Variants in ARHGAP24 observed in about 807,000 individuals in gnomAD.
ARHGAP24 encodes rho GTPase-activating protein 24.
ARHGAP24 carries 50 observed loss-of-function variants against 76.4 expected under a neutral mutation model. The observed-to-expected ratio is 0.65, with a 90% CI of 0.52 to 0.83. ARHGAP24 has a LOEUF of 0.83. Among genes scored for constraint, ARHGAP24 ranks in the 40% least tolerant of loss-of-function variants. ARHGAP24 has a pLI of 0.00. For synonymous variants in ARHGAP24, 345 were observed against 323.3 expected (o/e 1.07, Z -0.72); for missense variants, 930 against 914.2 (o/e 1.02, Z -0.22).
chr4:85,526,566 C>T (rs1489485640), intron 1 of ARHGAP24, among the ~76,000 whole-genome samples: 1 of 151,988 alleles, frequency 6.6e-6, no homozygotes, highest in Non-Finnish European at 1.5e-5. Context: ...TATGGGACTT[C>T]TGCCTCTATT....
intron 2 of ARHGAP24, among the ~76,000 whole-genome samples, chr4:85,618,696 T>C (rs932404404): frequency 6.6e-6 from 1 of 152,116 alleles, no homozygotes; most frequent in Non-Finnish European, 1.5e-5. Flanking sequence ...TGATATCTCA[T>C]TGTAGTTTTG....
intron 3 of ARHGAP24, among the ~76,000 whole-genome samples, chr4:85,797,975 G>A (rs1275907054): frequency 6.6e-6 from 1 of 152,020 alleles, no homozygotes; most frequent in East Asian, 1.9e-4. Context: ...ATATCCTGTT[G>A]GGCTTTATTT....
At chr4:85,906,602 T>A (rs1225871018) in intron 3 of ARHGAP24, among the ~76,000 whole-genome samples, 1 of 152,144 alleles carries the variant, frequency 6.6e-6, no homozygotes, top group Non-Finnish European at 1.5e-5. Context: ...TAACATAAAC[T>A]AAGAGCAAAA....
At chr4:85,639,917 G>A (rs752581994) in intron 2 of ARHGAP24, among the ~76,000 whole-genome samples, 8 of 152,060 alleles carry the variant, frequency 5.3e-5, no homozygotes, top group Non-Finnish European at 7.4e-5. Flanking sequence ...ATTCCTGTGC[G>A]TTATAAATAA....
At chr4:85,714,306 A>G (rs746054892) in intron 2 of ARHGAP24, among the ~76,000 whole-genome samples, 3 of 152,166 alleles carry the variant, frequency 2.0e-5, no homozygotes, top group African/African-American at 2.4e-5. Flanking sequence ...AAAATACTAC[A>G]TATCTTTTTC....
At chr4:85,896,186 T>C (rs1734169713) in intron 3 of ARHGAP24, among the ~76,000 whole-genome samples, 1 of 152,248 alleles carries the variant, frequency 6.6e-6, no homozygotes, top group Non-Finnish European at 1.5e-5. Flanking sequence ...AGGATGCAGT[T>C]GCAACAGAAG....
At position 85,788,823 on chromosome 4, in the gene ARHGAP24, A is replaced by G. The variant is rs116505732; in HGVS notation, c.268+66851A>G. On this transcript the variant is annotated intron_variant, in intron 3 of 9. Transcript: ENST00000395184. ...ATCTTTTCCCAAGTTCTTAAAGTAC[A>G]GCTAAGATTCCCAGAAAGTAACACC... Among the ~76,000 whole-genome samples the G allele has an allele frequency of 1.2e-3, 189 of 152,326 alleles. 3 individuals carry two copies. The highest frequency in any genetic ancestry group is 6.8e-3 in the Middle Eastern group (2 of 294).
chr4:85,665,292 C>G (rs1722567809), intron 2 of ARHGAP24, among the ~76,000 whole-genome samples: 1 of 151,940 alleles, frequency 6.6e-6, no homozygotes, highest in African/African-American at 2.4e-5. Context: ...CTCTTTTGAT[C>G]TTTGTTGGTT....
intron 3 of ARHGAP24, among the ~76,000 whole-genome samples, chr4:85,874,831 A>ATATTTTTATATAATTTATATAT (rs1732747100): frequency 3.0e-4 from 2 of 6,708 alleles, no homozygotes; most frequent in African/African-American, 9.4e-4. Flanking sequence ...ATTTATATAT[A>ATATTTTTATATAATTTATATAT]AAATATATTT....
intron 1 of ARHGAP24, among the ~76,000 whole-genome samples, chr4:85,477,011 T>G (rs1010892021): frequency 1.3e-5 from 2 of 152,152 alleles, no homozygotes; most frequent in Admixed American, 1.3e-4. Flanking sequence ...ACTTCACCTT[T>G]GACATCTTGG....
Position 85,733,592 on chromosome 4 carries a change from G to C in ARHGAP24, c.268+11620G>C, listed in dbSNP as rs141558312. The stretch of plus-strand genomic sequence containing the variant: ...CTTCCATAACAAGTACTACAAACTG[G>C]GTGACATAAGCAACAGAAATGTATT... On this transcript the variant is annotated intron_variant, in intron 3 of 9. Transcript: ENST00000395184. 2.5e-3 allele frequency among the ~76,000 whole-genome samples: 377 copies of C among 152,144 alleles called. 2 individuals carry two copies. The highest frequency in any genetic ancestry group is 8.7e-3 in the African/African-American group (361 of 41,514).
At chr4:85,508,161 A>G (rs1004074151) in intron 1 of ARHGAP24, among the ~76,000 whole-genome samples, 3 of 152,110 alleles carry the variant, frequency 2.0e-5, no homozygotes, top group African/African-American at 4.8e-5. Flanking sequence ...ACATATCTCA[A>G]TTGAAATATA....
At chr4:85,777,915 T>G (rs1727369224) in intron 3 of ARHGAP24, among the ~76,000 whole-genome samples, 1 of 152,182 alleles carries the variant, frequency 6.6e-6, no homozygotes, top group Non-Finnish European at 1.5e-5. Context: ...ATGAAAATTG[T>G]TATGTTGCTT....
intron 3 of ARHGAP24, among the ~76,000 whole-genome samples, chr4:85,727,133 T>C (rs937939672): frequency 6.6e-6 from 1 of 151,956 alleles, no homozygotes; most frequent in African/African-American, 2.4e-5. Context: ...GGCAGGAGAA[T>C]CCCTTGAACC....
chr4:85,651,825 A>C (rs28361935), intron 2 of ARHGAP24, among the ~76,000 whole-genome samples: 1 of 151,248 alleles, frequency 6.6e-6, no homozygotes. Context: ...TGTCATTAAG[A>C]TTAATGAAAA....
intron 3 of ARHGAP24, among the ~76,000 whole-genome samples, chr4:85,919,135 C>T (rs1735579881): frequency 6.6e-6 from 1 of 152,140 alleles, no homozygotes; most frequent in Admixed American, 6.6e-5. Flanking sequence ...CTCAACATTG[C>T]TTTTAAAAAT....
At chr4:85,593,235 T>G (rs182137430) in intron 2 of ARHGAP24, among the ~76,000 whole-genome samples, 25 of 152,174 alleles carry the variant, frequency 1.6e-4, no homozygotes, top group African/African-American at 5.5e-4. Flanking sequence ...TATAACTGTT[T>G]GCCATTTGTA....
At chr4:85,961,906 A>G (rs1423362920) in intron 5 of ARHGAP24, among the ~76,000 whole-genome samples, 2 of 152,092 alleles carry the variant, frequency 1.3e-5, no homozygotes, top group Non-Finnish European at 2.9e-5. Context: ...TATGAGAAAA[A>G]TTGTTGAATG....
chr4:85,623,604 G>A (rs1720806504), intron 2 of ARHGAP24, among the ~76,000 whole-genome samples: 1 of 152,018 alleles, frequency 6.6e-6, no homozygotes, highest in African/African-American at 2.4e-5. Context: ...GAACTTTAAA[G>A]TAGTTTTTTC....
Sources: allele counts gnomAD v4.1 joint callset (sites outside exome capture counted in the v4.1 genomes callset), GRCh38; gene constraint gnomAD v4.1.1; transcripts MANE v1.5; gene names NCBI Gene and HGNC (gene_info 2026-07-23, HGNC 2026-07-21).